The following SCNN1G variants were observed in gnomAD, a reference collection of about 807,000 sequenced individuals.
SCNN1G encodes the protein sodium channel epithelial 1 subunit gamma.
A neutral mutation model predicts 64.6 loss-of-function variants in SCNN1G; 27 were observed. That is an observed-to-expected ratio of 0.42 (90% CI 0.31 to 0.58). The LOEUF (loss-of-function observed/expected upper bound fraction) is 0.58, where lower values mean the gene tolerates loss of function less well. SCNN1G is among the 20% of genes least tolerant of loss of function. The probability of loss-of-function intolerance (pLI) is 0.18; values close to 1 mark genes in which losing one functional copy is unlikely to be tolerated. For synonymous variants in SCNN1G, 330 were observed against 314.2 expected, an observed-to-expected ratio of 1.05 and a Z score of -0.53; for missense variants, 743 against 823.4, an observed-to-expected ratio of 0.90 and a Z score of 1.19.
intron 2 of SCNN1G, among the ~76,000 whole-genome samples, chr16:23,186,975 G>T (rs1333731318): frequency 1.3e-5 from 2 of 151,742 alleles, no homozygotes; most frequent in Non-Finnish European, 2.9e-5. Flanking sequence ...ATTTTTTTGT[G>T]TTTTTAGTAG....
chr16:23,207,352 C>T (rs574755304), intron 6 of SCNN1G, among the ~76,000 whole-genome samples: 4 of 152,246 alleles, frequency 2.6e-5, no homozygotes, highest in East Asian at 1.9e-4. Flanking sequence ...TCAGCAGGAC[C>T]GGGGGGACCA....
intron 6 of SCNN1G, among the ~76,000 whole-genome samples, chr16:23,203,307 T>A (rs1290859757): frequency 1.3e-5 from 2 of 151,990 alleles, no homozygotes; most frequent in Non-Finnish European, 2.9e-5. Context: ...GAATGGTGAA[T>A]GGAAAATGAA....
intron 3 of SCNN1G, among the ~76,000 whole-genome samples, chr16:23,189,916 A>G (rs1959679326): frequency 6.6e-6 from 1 of 152,148 alleles, no homozygotes; most frequent in Non-Finnish European, 1.5e-5. Context: ...ACTAAAATAC[A>G]AAAATTAGCT....
intron 6 of SCNN1G, among the ~76,000 whole-genome samples, chr16:23,204,320 T>TAC (rs1959948877): frequency 2.4e-4 from 19 of 80,108 alleles, no homozygotes; most frequent in South Asian, 9.7e-4. Context: ...TATATATATA[T>TAC]ATATATATAT....
chr16:23,197,374 G>A lies in SCNN1G; in HGVS notation c.1024G>A (p.Asp342Asn). The A allele has an allele frequency of 6.2e-7, 1 of 1,614,120 alleles. No individual in the cohort carries two copies. The highest frequency in any genetic ancestry group is 8.5e-7 in the Non-Finnish European group (1 of 1,179,952). ...GCAGGATGAGTATCCCTTCGTCGAA[G>A]ATGTGGGAACAGAGATTGAGACAGC... ...HRQDEYPFVE[D>N]VGTEIETAMV... The change falls in exon 6 of 13, where the codon GAT becomes AAT. Residue 342 changes from aspartate (D) to asparagine (N), a missense_variant. Coordinates refer to ENST00000300061, the MANE Select transcript of SCNN1G (RefSeq NM_001039.4).
intron 7 of SCNN1G, among the ~76,000 whole-genome samples, chr16:23,210,940 A>G (rs1224264607): frequency 6.6e-6 from 1 of 152,144 alleles, no homozygotes; most frequent in Non-Finnish European, 1.5e-5. Flanking sequence ...AGGGAGGCTG[A>G]GGAGGGAGGA....
chr16:23,213,273 T>TTA lies in SCNN1G; in HGVS notation c.1493+110_1493+111insTA, dbSNP rs149635780. The TTA allele has an allele frequency of 0.076, 50,497 of 661,506 alleles. 3,014 individuals carry two copies. Among genetic ancestry groups the TTA allele is most frequent in the African/African-American group, 0.18 (8,943 of 50,584 alleles). The allele number at this position is 661,506 out of a possible 1,614,324, so 41.0% of individuals were successfully genotyped here. Reference sequence around the variant, plus strand: ...TCCTCTTTTTTTTTTTTTTTTTTTTTATGGAGTCTTACTCTGTCACCCAGG... The same window carrying TTA: ...TCCTCTTTTTTTTTTTTTTTTTTTTTTAATGGAGTCTTACTCTGTCACCCAGG... On this transcript the variant is annotated intron_variant, in intron 11 of 12. Coordinates refer to ENST00000300061, the MANE Select transcript of SCNN1G (RefSeq NM_001039.4).
At chr16:23,206,481 G>A (rs148184108) in intron 6 of SCNN1G, among the ~76,000 whole-genome samples, 91 of 152,258 alleles carry the variant, frequency 6.0e-4, no homozygotes, top group Middle Eastern at 3.4e-3. Flanking sequence ...TGGGTGCAGC[G>A]CCCCATACCT....
chr16:23,215,172 G>A lies in SCNN1G; in HGVS notation c.1653G>A (p.Glu551=). The part of the protein sequence containing the change: ...CSVVCVIEII[E]VFFIDFFSII... ...TTGTCTGCGTCATCGAGATCATCGA[G>A]GTCTTCTTCATTGACTTCTTCTCTA... Residue 551 remains glutamate, a synonymous_variant, in exon 13 of 13, where the codon GAG becomes GAA. Transcript: ENST00000300061. 1 of 1,614,138 alleles carries A rather than the reference G, an allele frequency of 6.2e-7. No homozygotes were observed. The highest frequency in any genetic ancestry group is 8.5e-7 in the Non-Finnish European group (1 of 1,180,034).
chr16:23,205,492 G>A (rs1959974773), intron 6 of SCNN1G, among the ~76,000 whole-genome samples: 1 of 152,084 alleles, frequency 6.6e-6, no homozygotes, highest in East Asian at 1.9e-4. Flanking sequence ...GAGGTCAGGA[G>A]TTCAAGACCA....
At chr16:23,189,078 A>G (rs1959660393) in intron 2 of SCNN1G, among the ~76,000 whole-genome samples, 1 of 152,136 alleles carries the variant, frequency 6.6e-6, no homozygotes, top group African/African-American at 2.4e-5. Context: ...ACCACTACAG[A>G]AATGCTGGTT....
chr16:23,214,094 T>G (rs1009335546), intron 11 of SCNN1G, among the ~76,000 whole-genome samples: 3 of 152,226 alleles, frequency 2.0e-5, no homozygotes, highest in Non-Finnish European at 4.4e-5. Context: ...GTTAAGAGCA[T>G]GGACTTTGAA....
In SCNN1G at chr16:23,209,822, A is replaced by G; in HGVS notation, c.1150A>G (p.Ile384Val). 6.2e-7 allele frequency: 1 copy of G among 1,613,928 alleles called. No individual in the cohort carries two copies. The highest frequency in any genetic ancestry group is 8.5e-7 in the Non-Finnish European group (1 of 1,179,800). ...CGGGAGTGACGTGCCAATCAGGAAC[A>G]TCTACAACGCTGCCTACTCGCTCCA... ...EDGSDVPIRNIYNAAYSLQIC... is the reference protein window; with the variant it reads ...EDGSDVPIRNVYNAAYSLQIC... Residue 384 changes from isoleucine to valine, a missense_variant, in exon 7 of 13, where the codon ATC (isoleucine) becomes GTC (valine). By Grantham distance (29) the Ile-to-Val change is conservative. Transcript: ENST00000300061.
chr16:23,200,387 C>T (rs1959870001), intron 6 of SCNN1G, among the ~76,000 whole-genome samples: 1 of 152,138 alleles, frequency 6.6e-6, no homozygotes, highest in Non-Finnish European at 1.5e-5. Context: ...AGAGCCTTGG[C>T]TTTAGAGCAA....
In SCNN1G at chr16:23,212,754, C is replaced by A. The variant is rs746504669; in HGVS notation, c.1371C>A (p.Cys457Ter). The A allele has an allele frequency of 1.2e-6, 2 of 1,614,034 alleles. No individual in the cohort carries two copies. The highest frequency in any genetic ancestry group is 1.7e-6 in the Non-Finnish European group (2 of 1,179,896). ...GCCAGTCTGTGTGCAAGGAAGCCTG[C>A]AGGTATGTGGACCCCAAGGGGTGAG... Reference protein sequence around the residue: ...LGCQSVCKEACSFKEWTLTTS... With the variant: ...LGCQSVCKEA The change falls in exon 9 of 13, where the codon TGC (cysteine) becomes TGA (stop). Residue 457 changes from cysteine (C) to a stop codon, truncating the protein, a stop_gained and splice_region_variant. Transcript: ENST00000300061. LOFTEE classifies it high-confidence loss of function.
At chr16:23,186,074 G>T (rs530178540) in intron 1 of SCNN1G, among the ~76,000 whole-genome samples, 154 bp from the exon 2 acceptor site, 30 of 152,324 alleles carry the variant, frequency 2.0e-4, no homozygotes, top group African/African-American at 6.7e-4. Flanking sequence ...AAGGGGCCAA[G>T]GATTCAGAAT....
intron 5 of SCNN1G, among the ~76,000 whole-genome samples, chr16:23,195,210 T>C (rs1040905832): frequency 6.6e-6 from 1 of 152,174 alleles, no homozygotes; most frequent in East Asian, 1.9e-4. Context: ...AATTCAGCCA[T>C]AACACATACC....
Position 23,212,710 on chromosome 16 carries a change from G to T in SCNN1G, c.1327G>T (p.Val443Phe), listed in dbSNP as rs938304160. Reference protein sequence around the residue: ...YCYYQLHRAFVQEELGCQSVC... With the variant: ...YCYYQLHRAFFQEELGCQSVC... Reference sequence around the variant, plus strand: ...TTACTACCAACTGCATCGAGCCTTTGTCCAGGAAGAGCTGGGCTGCCAGTC... The same window carrying T: ...TTACTACCAACTGCATCGAGCCTTTTTCCAGGAAGAGCTGGGCTGCCAGTC... Residue 443 changes from valine to phenylalanine, a missense_variant, in exon 9 of 13, where the codon GTC becomes TTC. By Grantham distance (50) the Val-to-Phe change is conservative. Coordinates refer to ENST00000300061, the MANE Select transcript of SCNN1G (RefSeq NM_001039.4). 1 of 1,614,168 alleles carries T rather than the reference G, an allele frequency of 6.2e-7. No individual in the cohort carries two copies. The highest frequency in any genetic ancestry group is 8.5e-7 in the Non-Finnish European group (1 of 1,180,030).
chr16:23,185,088 G>C (rs1186859644), intron 1 of SCNN1G, among the ~76,000 whole-genome samples: 1 of 152,124 alleles, frequency 6.6e-6, no homozygotes, highest in Non-Finnish European at 1.5e-5. Context: ...CCCCTCAAAG[G>C]CGTATGCCAT....
Sources: allele counts gnomAD v4.1 joint callset (sites outside exome capture counted in the v4.1 genomes callset), GRCh38; gene constraint gnomAD v4.1.1; transcripts MANE v1.5; gene names NCBI Gene and HGNC (gene_info 2026-07-23, HGNC 2026-07-21).